ATRX: variants seen among roughly 807,000 people sequenced by gnomAD.
The protein encoded by ATRX is ATRX chromatin remodeler.
Under a neutral mutation model 172.6 loss-of-function variants are expected in ATRX, and 12 were observed. That is an observed-to-expected ratio of 0.07 (90% CI 0.04 to 0.11). The LOEUF is 0.11. ATRX is among the 10% of genes least tolerant of loss of function. The pLI is 1.00. For missense variants in ATRX, 1,368 were observed against 1,767.4 expected (o/e 0.77, Z 4.05); for synonymous variants, 674 against 594.7 (o/e 1.13, Z -1.94).
chrX:77,634,389 A>G, intron 17 of ATRX: 1 of 396,994 alleles, frequency 2.5e-6, no homozygotes, highest in Non-Finnish European at 4.4e-6. Flanking sequence ...TCCTCCCTTA[A>G]CATTCATTTT....
At chrX:77,669,454 C>T (rs1557128285) in intron 10 of ATRX, among the ~76,000 whole-genome samples, 1 of 109,749 alleles carries the variant, frequency 9.1e-6, no homozygotes, top group Non-Finnish European at 1.9e-5. Context: ...CTCCCGAGTA[C>T]GTAGGACTAC....
At chrX:77,575,358 T>G (rs2065577369) in intron 27 of ATRX, among the ~76,000 whole-genome samples, 1 of 110,409 alleles carries the variant, frequency 9.1e-6, no homozygotes, top group Non-Finnish European at 1.9e-5. Context: ...TATTTATGAT[T>G]TTTTTTTCAA....
chrX:77,745,481 T>C (rs184639256), intron 1 of ATRX, among the ~76,000 whole-genome samples: 106 of 111,540 alleles, frequency 9.5e-4, no homozygotes, highest in Non-Finnish European at 1.0e-3. Context: ...TGAAATAATC[T>C]AGACATAGAA....
chrX:77,544,327 T>G (rs1031736584), intron 30 of ATRX, among the ~76,000 whole-genome samples: 1 of 112,072 alleles, frequency 8.9e-6, no homozygotes, highest in South Asian at 3.7e-4. Flanking sequence ...TTAGAATATA[T>G]GGCAGAATCC....
At chrX:77,589,687 A>G (rs1168836150) in intron 27 of ATRX, 147 bp downstream of exon 27, 1 of 450,449 alleles carries the variant, frequency 2.2e-6, no homozygotes, top group Non-Finnish European at 3.9e-6. Context: ...ATATATATGG[A>G]TAAGGACAAA....
intron 1 of ATRX, among the ~76,000 whole-genome samples, chrX:77,765,329 A>T (rs2075869513): frequency 8.9e-6 from 1 of 112,395 alleles, no homozygotes; most frequent in African/African-American, 3.2e-5. Flanking sequence ...AATCAAGAAG[A>T]TTCTAAATAA....
chrX:77,721,759 T>TA, intron 1 of ATRX, among the ~76,000 whole-genome samples: 1 of 111,550 alleles, frequency 9.0e-6, no homozygotes, highest in South Asian at 3.7e-4. Context: ...AAGTAATGTA[T>TA]ACATTCAATG....
intron 15 of ATRX, among the ~76,000 whole-genome samples, chrX:77,637,435 G>A (rs1382696435): frequency 9.0e-6 from 1 of 110,983 alleles, no homozygotes; most frequent in Non-Finnish European, 1.9e-5. Context: ...CCATTTGACA[G>A]ATGAAAAAAC....
intron 28 of ATRX, among the ~76,000 whole-genome samples, chrX:77,568,969 T>A (rs2065303038): frequency 9.0e-6 from 1 of 110,899 alleles, no homozygotes; most frequent in Non-Finnish European, 1.9e-5. Context: ...GAAGAGTAAT[T>A]ACAAAAAAAG....
chrX:77,651,846 C>T (rs2069258871), intron 15 of ATRX: 2 of 334,485 alleles, frequency 6.0e-6, no homozygotes, highest in Non-Finnish European at 1.0e-5. Context: ...GTAACAGAGC[C>T]AGACTCCGTC....
intron 22 of ATRX, 178 bp downstream of exon 22, chrX:77,616,435 T>C (rs893967289): frequency 4.4e-6 from 5 of 1,131,068 alleles, no homozygotes; most frequent in Non-Finnish European, 5.9e-6. Flanking sequence ...CTTCTTGATT[T>C]TAATTTTGAC....
chrX:77,662,550 T>C (rs1259492047), intron 12 of ATRX, among the ~76,000 whole-genome samples: 1 of 112,312 alleles, frequency 8.9e-6, no homozygotes, highest in East Asian at 2.8e-4. Flanking sequence ...AAAAATATTC[T>C]TTGTGTCATC....
intron 1 of ATRX, among the ~76,000 whole-genome samples, chrX:77,725,752 C>A (rs1557172428): frequency 8.9e-6 from 1 of 111,939 alleles, no homozygotes; most frequent in African/African-American, 3.2e-5. Context: ...CCAGAATCTA[C>A]AAAGAACTTA....
At chrX:77,720,442 G>C (rs1356769347) in intron 1 of ATRX, among the ~76,000 whole-genome samples, 2 of 110,561 alleles carry the variant, frequency 1.8e-5, no homozygotes, top group Non-Finnish European at 3.8e-5. Flanking sequence ...GACTAATAAA[G>C]AACAAAAGAG....
chrX:77,725,032 T>C (rs1214946258), intron 1 of ATRX, among the ~76,000 whole-genome samples: 1 of 111,955 alleles, frequency 8.9e-6, no homozygotes, highest in Non-Finnish European at 1.9e-5. Context: ...AATCCAGACA[T>C]GGTTGTTACT....
At chrX:77,532,211 A>T (rs2063601345) in intron 30 of ATRX, among the ~76,000 whole-genome samples, 1 of 111,446 alleles carries the variant, frequency 9.0e-6, no homozygotes, top group African/African-American at 3.3e-5. Flanking sequence ...CATACTTCCC[A>T]AAGTAACTTA....
At chrX:77,634,097 T>C (rs928769618) in intron 17 of ATRX, among the ~76,000 whole-genome samples, 21 of 110,477 alleles carry the variant, frequency 1.9e-4, no homozygotes, top group Non-Finnish European at 3.0e-4. Context: ...AATTACTTTA[T>C]GGTTTAAAAG....
intron 1 of ATRX, among the ~76,000 whole-genome samples, chrX:77,766,786 A>G (rs1485768060): frequency 5.8e-5 from 6 of 103,686 alleles, no homozygotes; most frequent in African/African-American, 1.4e-4. Context: ...ATGGGCGGCC[A>G]GGCAGAGACG....
chrX:77,643,253 C>G (rs1338361820), intron 15 of ATRX, among the ~76,000 whole-genome samples: 1 of 109,965 alleles, frequency 9.1e-6, no homozygotes, highest in Non-Finnish European at 1.9e-5. Flanking sequence ...ACAACAAGAA[C>G]AGCTTTAAAA....
Sources: allele counts gnomAD v4.1 joint callset (sites outside exome capture counted in the v4.1 genomes callset), GRCh38; gene constraint gnomAD v4.1.1; transcripts MANE v1.5; gene names NCBI Gene and HGNC (gene_info 2026-07-23, HGNC 2026-07-21).